Variants in HLF observed in about 807,000 individuals in gnomAD.
HLF encodes the protein HLF transcription factor, PAR bZIP family member, also known as hepatic leukemia factor.
In HLF, 3 loss-of-function variants were observed where a neutral mutation model predicts 22.6. The observed-to-expected ratio is 0.13, with a 90% CI of 0.06 to 0.34. The LOEUF is 0.34. HLF is among the 10% of genes least tolerant of loss of function. The pLI is 1.00. For synonymous variants in HLF, 151 were observed against 151.8 expected, an observed-to-expected ratio of 0.99 and a Z score of 0.04; for missense variants, 299 against 389.2, an observed-to-expected ratio of 0.77 and a Z score of 1.95.
At chr17:55,285,067 ATTGT>A (rs2080991572) in intron 2 of HLF, among the ~76,000 whole-genome samples, 1 of 152,098 alleles carries the variant, frequency 6.6e-6, no homozygotes, top group South Asian at 2.1e-4. Context: ...CCCCATGGTG[ATTGT>A]TTGGGTTCCC....
chr17:55,320,672 G>A lies in HLF; in HGVS notation c.681G>A (p.Lys227=), dbSNP rs1240077652. The A allele has an allele frequency of 8.1e-6, 13 of 1,614,098 alleles. No individual in the cohort carries two copies. The East Asian group carries it at 2.2e-4, about 28-fold the overall frequency. ...CTGTAACTAATGAGCAGGATGACAA[G>A]TACTGGGCAAGGCGCAGAAAGAACA... ...VFIPDDLKDD[K]YWARRRKNNM... Residue 227 remains lysine (K), a synonymous_variant, in exon 4 of 4, where the codon AAG becomes AAA. Transcript: ENST00000226067. The surrounding 1 kb of genome is among the most constrained non-coding windows in gnomAD (Gnocchi z 4.2).
At position 55,267,787 on chromosome 17, in the gene HLF, A is replaced by T; in HGVS notation, c.152A>T (p.Asp51Val). 6.3e-7 allele frequency: 1 copy of T among 1,598,798 alleles called. No individual in the cohort carries two copies. Among genetic ancestry groups the T allele is most frequent in the Non-Finnish European group, 8.6e-7 (1 of 1,167,748 alleles). The change falls in exon 2 of 4, where the codon GAT becomes GTT. Residue 51 changes from aspartate to valine, a missense_variant. Transcript: ENST00000226067. ...GATAAAGACAAGGAAAAGAAGCTGG[A>T]TGATGAGAGTAACAGCCCGACGGTC... ...SKDKDKEKKL[D>V]DESNSPTVPQ...
chr17:55,294,287 C>G (rs900227335), intron 2 of HLF, among the ~76,000 whole-genome samples: 1 of 152,184 alleles, frequency 6.6e-6, no homozygotes, highest in African/African-American at 2.4e-5. Flanking sequence ...GTGTCTTTCA[C>G]GAATAGATTT....
At chr17:55,309,872 T>C (rs1420717306) in intron 2 of HLF, among the ~76,000 whole-genome samples, 1 of 152,186 alleles carries the variant, frequency 6.6e-6, no homozygotes, top group African/African-American at 2.4e-5. Flanking sequence ...ACACTATAAT[T>C]TGTGACTTTG....
At chr17:55,318,129 G>A (rs531904633) in intron 3 of HLF, among the ~76,000 whole-genome samples, 51 of 152,228 alleles carry the variant, frequency 3.4e-4, no homozygotes, top group African/African-American at 1.1e-3. Context: ...TTGCATGGAG[G>A]TAACTGGGTA....
In HLF at chr17:55,315,325, C is replaced by T; in HGVS notation, c.550C>T (p.Leu184Phe). 2 of 1,614,204 alleles carry T rather than the reference C, an allele frequency of 1.2e-6. No homozygotes were observed. The highest frequency in any genetic ancestry group is 2.2e-5 in the South Asian group (2 of 91,080). ...TGAGCCAGACCCAGCAGATCTTGCC[C>T]TTTCCAGCATCCCTGGCCAGGAAAT... The part of the protein sequence containing the change: ...GYEPDPADLA[L>F]SSIPGQEMFD... The change falls in exon 3 of 4, where the codon CTT (leucine) becomes TTT (phenylalanine). Residue 184 changes from leucine (L) to phenylalanine (F), a missense_variant. Leu to Phe is a conservative substitution (Grantham distance 22). Around this residue, in one of 3 missense-constraint regions of HLF, gnomAD observed 224 missense variants for 298.1 expected, o/e 0.75. Coordinates refer to ENST00000226067, the MANE Select transcript of HLF (RefSeq NM_002126.5).
At chr17:55,266,611 C>A (rs1020472956) in intron 1 of HLF, among the ~76,000 whole-genome samples, 1 of 152,202 alleles carries the variant, frequency 6.6e-6, no homozygotes, top group Non-Finnish European at 1.5e-5. Flanking sequence ...CCCTAACTAT[C>A]CTTTAAGGAA....
chr17:55,267,488 GT>G, intron 1 of HLF: 1 of 386,002 alleles, frequency 2.6e-6, no homozygotes, highest in Non-Finnish European at 4.6e-6. Context: ...CTGTTCTCTG[GT>G]TTTTATCCTA....
At chr17:55,313,971 G>A (rs1423112779) in intron 2 of HLF, among the ~76,000 whole-genome samples, 1 of 152,128 alleles carries the variant, frequency 6.6e-6, no homozygotes, top group Admixed American at 6.6e-5. Context: ...TTCATGCTTC[G>A]ACCTGGGGTA....
intron 3 of HLF, among the ~76,000 whole-genome samples, chr17:55,316,963 G>T (rs1479699884): frequency 1.9e-5 from 2 of 103,226 alleles, no homozygotes; most frequent in East Asian, 1.2e-3. Context: ...ATTTTTTATG[G>T]TGTTTTTTTT....
At position 55,320,930 on chromosome 17, in the gene HLF, G is replaced by A. The variant is rs1339870199; in HGVS notation, c.*51G>A. ...GGAATAGATGGACAGTTTGTTTCCTGTCTGATAGCACCACACGCAAACCAA... is the reference window on the plus strand; with the variant it reads ...GGAATAGATGGACAGTTTGTTTCCTATCTGATAGCACCACACGCAAACCAA... On this transcript the variant is annotated 3_prime_UTR_variant, in exon 4 of 4. Transcript: ENST00000226067. This position sits in a 1 kb window ranked among gnomAD's most constrained non-coding sequence, Gnocchi z 4.2. The A allele has an allele frequency of 6.9e-7, 1 of 1,450,502 alleles. No individual in the cohort carries two copies. Among genetic ancestry groups the A allele is most frequent in the Non-Finnish European group, 9.5e-7 (1 of 1,050,506 alleles). 89.9% of individuals were successfully genotyped at this position (1,450,502 alleles called of 1,614,324 possible). A position where few individuals can be genotyped will look rare whatever the true frequency, so the allele number is the denominator to read the frequency against.
In HLF at chr17:55,324,650, A is replaced by G. The variant is rs2145386168; in HGVS notation, c.*3771A>G. ...CAGGTGGCGATCACCTTCTGCTCCT[A>G]GGTACCCCCACTGGCAAGGCCAAGG... is the stretch of plus-strand genomic sequence containing the variant. On this transcript the variant is annotated 3_prime_UTR_variant, in exon 4 of 4. Transcript: ENST00000226067. 1 of 232,664 alleles carries G rather than the reference A, an allele frequency of 4.3e-6. No individual in the cohort carries two copies. The highest frequency in any genetic ancestry group is 5.6e-5 in the Admixed American group (1 of 17,792). 14.4% of individuals were successfully genotyped at this position (232,664 alleles called of 1,614,324 possible). A position where few individuals can be genotyped will look rare whatever the true frequency, so the allele number is the denominator to read the frequency against.
intron 2 of HLF, among the ~76,000 whole-genome samples, chr17:55,304,380 T>G (rs1904446255): frequency 6.6e-6 from 1 of 152,186 alleles, no homozygotes; most frequent in Non-Finnish European, 1.5e-5. Context: ...ATGGGCCACG[T>G]GCCTCGGCCA....
At position 55,265,206 on chromosome 17, in the gene HLF, G is replaced by T; in HGVS notation, c.-279G>T. 3.1e-6 allele frequency: 1 copy of T among 322,386 alleles called. No homozygotes were observed. Among genetic ancestry groups the T allele is most frequent in the Non-Finnish European group, 5.6e-6 (1 of 179,646 alleles). The allele number at this position is 322,386 out of a possible 1,614,324, so 20.0% of individuals were successfully genotyped here. On this transcript the variant is annotated 5_prime_UTR_variant, in exon 1 of 4. Transcript: ENST00000226067. Reference sequence around the variant, plus strand: ...CATTTTGCAAAACGAGGGGTTCGAGGCAGGTGAGAGCATCCTGCACGTCGC... The same window carrying T: ...CATTTTGCAAAACGAGGGGTTCGAGTCAGGTGAGAGCATCCTGCACGTCGC...
chr17:55,270,831 A>G (rs373749527), intron 2 of HLF, among the ~76,000 whole-genome samples: 29 of 151,736 alleles, frequency 1.9e-4, no homozygotes, highest in African/African-American at 7.0e-4. Context: ...TTTAGTAGAG[A>G]CGGGGTTTCA....
chr17:55,312,798 C>A (rs1472788763), intron 2 of HLF, among the ~76,000 whole-genome samples: 1 of 152,118 alleles, frequency 6.6e-6, no homozygotes, highest in African/African-American at 2.4e-5. Context: ...CATCTTTGAT[C>A]ATTTAAAAAA....
At position 55,267,818 on chromosome 17, in the gene HLF, G is replaced by T. The variant is rs2080808827; in HGVS notation, c.183G>T (p.Gln61His). ...DDESNSPTVP[Q>H]SAFLGPTLWD... The stretch of plus-strand genomic sequence containing the variant: ...AGAGTAACAGCCCGACGGTCCCCCA[G>T]TCGGCATTCCTGGGGCCTACCTTAT... The change falls in exon 2 of 4, where the codon CAG (glutamine) becomes CAT (histidine). Residue 61 changes from glutamine to histidine, a missense_variant. Coordinates refer to ENST00000226067, the MANE Select transcript of HLF (RefSeq NM_002126.5). 1 of 1,612,256 alleles carries T rather than the reference G, an allele frequency of 6.2e-7. No homozygotes were observed. Among genetic ancestry groups the T allele is most frequent in the Admixed American group, 1.7e-5 (1 of 59,968 alleles).
intron 2 of HLF, among the ~76,000 whole-genome samples, chr17:55,296,158 T>C (rs1170417033): frequency 1.3e-5 from 2 of 152,158 alleles, no homozygotes; most frequent in Non-Finnish European, 2.9e-5. Flanking sequence ...GGTGTGAATA[T>C]TCCTGAGGTG....
At chr17:55,269,238 C>T (rs905496434) in intron 2 of HLF, among the ~76,000 whole-genome samples, 1 of 152,150 alleles carries the variant, frequency 6.6e-6, no homozygotes, top group Non-Finnish European at 1.5e-5. Context: ...CCTTTCAGAC[C>T]TCTGTGTGCT....
Sources: allele counts gnomAD v4.1 joint callset (sites outside exome capture counted in the v4.1 genomes callset), GRCh38; gene constraint gnomAD v4.1.1; regional missense constraint gnomAD v4.1.1; non-coding constraint Gnocchi (gnomAD v3.1); transcripts MANE v1.5; gene names NCBI Gene and HGNC (gene_info 2026-07-23, HGNC 2026-07-21).